KCNJ3: variants seen among roughly 807,000 people sequenced by gnomAD.
KCNJ3 encodes potassium inwardly rectifying channel subfamily J member 3, also known as G protein-activated inward rectifier potassium channel 1.
KCNJ3 carries 4 observed loss-of-function variants against 39.2 expected under a neutral mutation model. The observed-to-expected ratio is 0.10, with a 90% CI of 0.05 to 0.23. KCNJ3 has a LOEUF of 0.23. Among genes scored for constraint, KCNJ3 ranks in the 10% least tolerant of loss-of-function variants. The probability of loss-of-function intolerance (pLI) is 1.00; values close to 1 mark genes in which losing one functional copy is unlikely to be tolerated. For synonymous variants in KCNJ3, 230 were observed against 237.4 expected, an observed-to-expected ratio of 0.97 and a Z score of 0.29; for missense variants, 276 against 634.9, an observed-to-expected ratio of 0.43 and a Z score of 6.08.
chr2:154,777,610 A>G (rs1360211134), intron 2 of KCNJ3, among the ~76,000 whole-genome samples: 1 of 152,146 alleles, frequency 6.6e-6, no homozygotes, highest in Non-Finnish European at 1.5e-5. Flanking sequence ...TATTATTATT[A>G]GTTGAATCAA....
intron 2 of KCNJ3, among the ~76,000 whole-genome samples, chr2:154,850,290 C>G (rs1179230325): frequency 6.6e-6 from 1 of 151,828 alleles, no homozygotes; most frequent in Non-Finnish European, 1.5e-5. Context: ...AATTATGAAT[C>G]TAAGCATGGA....
At chr2:154,718,140 T>C (rs1465311914) in intron 2 of KCNJ3, among the ~76,000 whole-genome samples, 1 of 152,210 alleles carries the variant, frequency 6.6e-6, no homozygotes. Flanking sequence ...TTGTATAGAT[T>C]GGACATCTCA....
chr2:154,814,057 C>T (rs1350577361), intron 2 of KCNJ3, among the ~76,000 whole-genome samples: 1 of 152,188 alleles, frequency 6.6e-6, no homozygotes, highest in Admixed American at 6.5e-5. Context: ...GTCTTAAATT[C>T]TAGTCTCATC....
chr2:154,855,446 C>T lies in KCNJ3; in HGVS notation c.*133C>T. 6.0e-6 allele frequency: 4 copies of T among 664,030 alleles called. No individual in the cohort carries two copies. The highest frequency in any genetic ancestry group is 4.3e-5 in the South Asian group (2 of 46,030). 41.1% of individuals were successfully genotyped at this position (664,030 alleles called of 1,614,324 possible). On this transcript the variant is annotated 3_prime_UTR_variant, in exon 3 of 3. Transcript: ENST00000295101. ...TCTACAAGCATATTTGAGAACCCTT[C>T]CTTTCCCAAGTATTGCGAATGTGCA...
chr2:154,740,597 A>G (rs2105174573), intron 2 of KCNJ3, among the ~76,000 whole-genome samples: 1 of 152,086 alleles, frequency 6.6e-6, no homozygotes. Flanking sequence ...TTGGGTAAGA[A>G]GACACCCCTG....
At chr2:154,800,726 G>A (rs548603322) in intron 2 of KCNJ3, among the ~76,000 whole-genome samples, 1 of 151,912 alleles carries the variant, frequency 6.6e-6, no homozygotes, top group East Asian at 1.9e-4. Context: ...ACTTTTTGAT[G>A]ACACCAAACA....
At chr2:154,847,963 C>G (rs1329314480) in intron 2 of KCNJ3, among the ~76,000 whole-genome samples, 1 of 152,076 alleles carries the variant, frequency 6.6e-6, no homozygotes, top group African/African-American at 2.4e-5. Context: ...TAGCATTGTC[C>G]TATAGAATCT....
At chr2:154,728,624 T>G (rs968242449) in intron 2 of KCNJ3, among the ~76,000 whole-genome samples, 5 of 152,202 alleles carry the variant, frequency 3.3e-5, no homozygotes, top group Non-Finnish European at 7.3e-5. Context: ...TATAAAAGAA[T>G]GTAGCATGTG....
intron 1 of KCNJ3, among the ~76,000 whole-genome samples, chr2:154,709,170 T>C (rs1444574840): frequency 6.6e-6 from 1 of 152,202 alleles, no homozygotes; most frequent in Non-Finnish European, 1.5e-5. Context: ...TTCAAAATGA[T>C]GGTCAATCTT....
rs558211053 is a variant in KCNJ3 at position 154,761,269 on chromosome 2, G to T, written c.919+51450G>T. On this transcript the variant is annotated intron_variant, in intron 2 of 2. Coordinates refer to ENST00000295101, the MANE Select transcript of KCNJ3 (RefSeq NM_002239.4). ...TTTCTCCATCAAACTGTAGTGCCAA[G>T]TCTACCTTCACAAGTTTGTTTATAT... Among the ~76,000 whole-genome samples, 372 of 152,036 alleles carry T rather than the reference G, an allele frequency of 2.4e-3. 7 individuals are homozygous for T. The highest frequency in any genetic ancestry group is 8.6e-3 in the African/African-American group (357 of 41,492).
intron 2 of KCNJ3, among the ~76,000 whole-genome samples, chr2:154,768,561 C>G (rs1018188797): frequency 1.3e-5 from 2 of 152,236 alleles, no homozygotes; most frequent in East Asian, 1.9e-4. Context: ...TGTTTTGGTA[C>G]CAGTACCATG....
At chr2:154,836,680 AT>A (rs1269968511) in intron 2 of KCNJ3, among the ~76,000 whole-genome samples, 1 of 152,204 alleles carries the variant, frequency 6.6e-6, no homozygotes. Context: ...GCATTCCAAA[AT>A]GTTTTCATAA....
intron 2 of KCNJ3, among the ~76,000 whole-genome samples, chr2:154,737,073 A>G (rs780474305): frequency 6.6e-6 from 1 of 152,200 alleles, no homozygotes; most frequent in Non-Finnish European, 1.5e-5. Context: ...TGATCAGCTC[A>G]TGTCCATGAA....
chr2:154,716,153 G>A (rs1475631941), intron 2 of KCNJ3, among the ~76,000 whole-genome samples: 1 of 151,840 alleles, frequency 6.6e-6, no homozygotes, highest in East Asian at 1.9e-4. Flanking sequence ...CTGGAGTGCA[G>A]TGGTGCGATC....
At chr2:154,709,550 G>A in intron 1 of KCNJ3, 53 bp from the exon 2 acceptor site, 1 of 1,571,640 alleles carries the variant, frequency 6.4e-7, no homozygotes, top group South Asian at 1.2e-5. Context: ...GGGCTGCCTT[G>A]AAATTTTCAG....
intron 2 of KCNJ3, among the ~76,000 whole-genome samples, chr2:154,795,324 C>T (rs1471275291): frequency 2.6e-5 from 4 of 151,906 alleles, no homozygotes; most frequent in Non-Finnish European, 5.9e-5. Context: ...TACTAGATTA[C>T]ATTTAGATTT....
intron 2 of KCNJ3, among the ~76,000 whole-genome samples, chr2:154,802,334 C>T (rs529086259): frequency 1.3e-5 from 2 of 152,142 alleles, no homozygotes; most frequent in South Asian, 4.1e-4. Flanking sequence ...CTTGGTTCCC[C>T]ATGGCTTGGA....
chr2:154,747,644 T>C (rs1050751014), intron 2 of KCNJ3, among the ~76,000 whole-genome samples: 1 of 151,956 alleles, frequency 6.6e-6, no homozygotes, highest in African/African-American at 2.4e-5. Context: ...TATTCCAGAA[T>C]AGAGAAAGGA....
intron 2 of KCNJ3, among the ~76,000 whole-genome samples, chr2:154,819,936 A>G (rs925556536): frequency 1.3e-5 from 2 of 151,882 alleles, no homozygotes; most frequent in African/African-American, 4.8e-5. Flanking sequence ...CTTTATGATG[A>G]GTATGTTCAA....
Sources: gnomAD v4.1 joint callset for allele counts (sites outside exome capture counted in the v4.1 genomes callset) on GRCh38, gnomAD v4.1.1 for gene constraint, MANE v1.5 for transcripts, NCBI Gene and HGNC (gene_info 2026-07-23, HGNC 2026-07-21) for gene names.